The following FRA10AC1 variants were observed in gnomAD, a reference collection of about 807,000 sequenced individuals.
The protein encoded by FRA10AC1 is FRA10A associated CGG repeat 1.
In FRA10AC1, 43 loss-of-function variants were observed where a neutral mutation model predicts 56.5. The observed-to-expected ratio is 0.76, with a 90% CI of 0.60 to 0.98. The LOEUF is 0.98. Ranked by LOEUF, FRA10AC1 falls within the 50% of genes least tolerant of loss-of-function variation. FRA10AC1 has a pLI of 0.00. For synonymous variants in FRA10AC1, 112 were observed against 110.5 expected, an observed-to-expected ratio of 1.01 and a Z score of -0.09; for missense variants, 346 against 351.8, an observed-to-expected ratio of 0.98 and a Z score of 0.13.
intron 7 of FRA10AC1, 101 bp from the exon 8 acceptor site, chr10:93,687,550 G>GT: frequency 9.1e-7 from 1 of 1,096,246 alleles, no homozygotes; most frequent in Non-Finnish European, 1.3e-6. Flanking sequence ...AAAAATAAAT[G>GT]TAATTCCCAT....
intron 10 of FRA10AC1, among the ~76,000 whole-genome samples, chr10:93,683,370 G>A (rs185260576): frequency 2.1e-4 from 30 of 141,714 alleles, no homozygotes; most frequent in Admixed American, 1.7e-3. Context: ...TTTTTTTTTT[G>A]AGACAGAGTT....
intron 2 of FRA10AC1, among the ~76,000 whole-genome samples, chr10:93,698,659 C>T (rs555263179): frequency 6.6e-6 from 1 of 152,292 alleles, no homozygotes; most frequent in Non-Finnish European, 1.5e-5. Flanking sequence ...TGATTCAAAT[C>T]CTAATTCTGT....
intron 11 of FRA10AC1, among the ~76,000 whole-genome samples, chr10:93,677,844 A>G: frequency 6.6e-6 from 1 of 152,166 alleles, no homozygotes; most frequent in African/African-American, 2.4e-5. Context: ...TACTTTGAAA[A>G]GCAAAATTAA....
intron 5 of FRA10AC1, 53 bp from the exon 6 acceptor site, chr10:93,692,782 A>G (rs1041189369): frequency 8.5e-7 from 1 of 1,173,958 alleles, no homozygotes. Flanking sequence ...AGTCAAATTT[A>G]GGTTAAATAG....
Position 93,669,590 on chromosome 10 carries a change from A to G in FRA10AC1, c.*236T>C. 2.1e-6 allele frequency: 1 copy of G among 480,292 alleles called. No individual in the cohort carries two copies. Among genetic ancestry groups the G allele is most frequent in the Admixed American group, 4.0e-5 (1 of 24,698 alleles). The allele number at this position is 480,292 out of a possible 1,614,324, so 29.8% of individuals were successfully genotyped here. A position where few individuals can be genotyped will look rare whatever the true frequency, so the allele number is the denominator to read the frequency against. On this transcript the variant is annotated 3_prime_UTR_variant, in exon 14 of 14. Transcript: ENST00000359204. ...GCTCTATCCTCTAGGAGCTACAAATAAAACAGAATTGTAGATAAGCAATTG... is the reference window on the plus strand; with the variant it reads ...GCTCTATCCTCTAGGAGCTACAAATGAAACAGAATTGTAGATAAGCAATTG...
At chr10:93,676,731 G>A (rs2058848225) in intron 11 of FRA10AC1, 40 bp from the exon 12 acceptor site, 2 of 1,528,636 alleles carry the variant, frequency 1.3e-6, no homozygotes, top group Admixed American at 2.3e-5. Context: ...CTATCATCTT[G>A]TAATAGTGCA....
chr10:93,681,726 G>A, intron 10 of FRA10AC1, 128 bp from the exon 11 acceptor site: 1 of 794,230 alleles, frequency 1.3e-6, no homozygotes. Flanking sequence ...TATATAATAA[G>A]GAACGTTAAG....
At position 93,667,937 on chromosome 10, in the gene FRA10AC1, A is replaced by G. The variant is rs573006099; in HGVS notation, c.*1889T>C. Reference sequence around the variant, plus strand: ...AGTGAGGGGACTATCAAACAATGTTAAACACTGATAAACCCAACACTGATT... The same window carrying G: ...AGTGAGGGGACTATCAAACAATGTTGAACACTGATAAACCCAACACTGATT... On this transcript the variant is annotated 3_prime_UTR_variant, in exon 14 of 14. Coordinates refer to ENST00000359204, the MANE Select transcript of FRA10AC1 (RefSeq NM_145246.5). 2.0e-5 allele frequency: 3 copies of G among 152,334 alleles called. No individual in the cohort carries two copies. The South Asian group carries it at 6.2e-4, about 32-fold the overall frequency. 9.4% of individuals were successfully genotyped at this position (152,334 alleles called of 1,614,324 possible).
At chr10:93,674,715 G>A (rs1349432148) in intron 12 of FRA10AC1, 1 of 152,176 alleles carries the variant, frequency 6.6e-6, no homozygotes, top group Non-Finnish European at 1.5e-5. Flanking sequence ...GGGGGTGAAA[G>A]ACAGTGGGAA....
chr10:93,693,531 C>CATAT (rs397947381), intron 5 of FRA10AC1, among the ~76,000 whole-genome samples: 11,805 of 30,668 alleles, frequency 0.38, 2,226 homozygotes, highest in East Asian at 0.63. Context: ...ATATATACAC[C>CATAT]ATATATATAT....
At position 93,676,707 on chromosome 10, in the gene FRA10AC1, CATT is replaced by C. The variant is rs771763228; in HGVS notation, c.788-19_788-17del. ...GATGAATGTCCTGAAAAGGAAACAT[CATT>C]GATTTATTAACTATCATCTTGTAAT... On this transcript the variant is annotated splice_polypyrimidine_tract_variant and intron_variant, in intron 11 of 13. Coordinates refer to ENST00000359204, the MANE Select transcript of FRA10AC1 (RefSeq NM_145246.5). The C allele has an allele frequency of 5.1e-6, 8 of 1,562,802 alleles. No individual in the cohort carries two copies. In the African/African-American group the frequency reaches 1.1e-4, roughly 22 times the overall value.
chr10:93,700,425 C>T (rs528609060), intron 1 of FRA10AC1, among the ~76,000 whole-genome samples: 1 of 152,300 alleles, frequency 6.6e-6, no homozygotes, highest in Non-Finnish European at 1.5e-5. Flanking sequence ...CAATCCTTCA[C>T]TTTTGATTCA....
intron 1 of FRA10AC1, among the ~76,000 whole-genome samples, chr10:93,700,799 C>G (rs1345154988): frequency 1.3e-5 from 2 of 152,078 alleles, no homozygotes; most frequent in Non-Finnish European, 2.9e-5. Flanking sequence ...AACCACCTTG[C>G]CCTTTGGATT....
At chr10:93,675,624 G>A (rs528532420) in intron 12 of FRA10AC1, 6 of 332,426 alleles carry the variant, frequency 1.8e-5, no homozygotes, top group Non-Finnish European at 3.9e-5. Flanking sequence ...AGAATCACTT[G>A]AACCTGGGAA....
At position 93,698,194 on chromosome 10, in the gene FRA10AC1, ATTT is replaced by A; in HGVS notation, c.174-16_174-14del. On this transcript the variant is annotated splice_polypyrimidine_tract_variant and intron_variant, in intron 3 of 13. Coordinates refer to ENST00000359204, the MANE Select transcript of FRA10AC1 (RefSeq NM_145246.5). ...TCTTGCTTCTTCCCTGTTAAAACAA[ATTT>A]TTTTAAGAAAATTCAAAATGTTTAT... 6.4e-7 allele frequency: 1 copy of A among 1,570,526 alleles called. No homozygotes were observed. Among genetic ancestry groups the A allele is most frequent in the Non-Finnish European group, 8.7e-7 (1 of 1,149,502 alleles).
upstream of FRA10AC1, chr10:93,702,924 C>T (rs2059368876): frequency 4.4e-6 from 2 of 453,574 alleles, no homozygotes; most frequent in South Asian, 3.1e-5. Context: ...GGAGGATCCT[C>T]TCAGAGCAGC....
chr10:93,696,982 T>C (rs1589729229), intron 4 of FRA10AC1, among the ~76,000 whole-genome samples: 1 of 152,062 alleles, frequency 6.6e-6, no homozygotes, highest in African/African-American at 2.4e-5. Flanking sequence ...GATGGGTTGA[T>C]AGGTGCAGCA....
At chr10:93,689,217 C>T (rs2133923879) in intron 7 of FRA10AC1, among the ~76,000 whole-genome samples, 1 of 152,062 alleles carries the variant, frequency 6.6e-6, no homozygotes, top group South Asian at 2.1e-4. Context: ...ACCTCAGCCT[C>T]CCAAAGTACT....
At chr10:93,702,598 G>A (rs1215574832), upstream of FRA10AC1, 6 of 217,612 alleles carry the variant, frequency 2.8e-5, no homozygotes, top group South Asian at 5.5e-5. Flanking sequence ...CTTCCGGTCC[G>A]ACACGGCCAC....
Sources: gnomAD v4.1 joint callset for allele counts (sites outside exome capture counted in the v4.1 genomes callset) on GRCh38, gnomAD v4.1.1 for gene constraint, MANE v1.5 for transcripts, NCBI Gene and HGNC (gene_info 2026-07-23, HGNC 2026-07-21) for gene names.